Variants in MOB1B observed in about 807,000 individuals in gnomAD.
MOB1B encodes the protein MOB1 Mps One Binder homolog B.
In MOB1B, 19 loss-of-function variants were observed where a neutral mutation model predicts 24.4. The observed-to-expected ratio is 0.78, with a 90% confidence interval of 0.54 to 1.14. The LOEUF is 1.14. Ranked by LOEUF, MOB1B falls within the 50% of genes most tolerant of loss-of-function variation. The pLI is 0.00. For missense variants in MOB1B, 243 were observed against 259.6 expected (o/e 0.94, Z 0.44); for synonymous variants, 76 against 82.1 (o/e 0.93, Z 0.40).
At chr4:70,930,124 C>CT (rs977491393) in intron 1 of MOB1B, among the ~76,000 whole-genome samples, 10 of 152,086 alleles carry the variant, frequency 6.6e-5, no homozygotes, top group Admixed American at 3.9e-4. Flanking sequence ...AAAAATAATG[C>CT]TTTTTTCGAA....
At chr4:70,942,823 A>G (rs1737404047) in intron 1 of MOB1B, 2 of 934,484 alleles carry the variant, frequency 2.1e-6, no homozygotes, top group Admixed American at 1.3e-4. Context: ...TTGTCTGTAG[A>G]GAGAAGGTTC....
intron 1 of MOB1B, among the ~76,000 whole-genome samples, chr4:70,914,449 A>G (rs1224820832): frequency 6.6e-6 from 1 of 152,168 alleles, no homozygotes; most frequent in Non-Finnish European, 1.5e-5. Flanking sequence ...CAGGAGATAG[A>G]CATTTATCTG....
At chr4:70,951,309 G>A (rs906689668) in intron 1 of MOB1B, among the ~76,000 whole-genome samples, 1 of 152,122 alleles carries the variant, frequency 6.6e-6, no homozygotes, top group African/African-American at 2.4e-5. Context: ...TGCCAAAAAG[G>A]TTGGGAGCCA....
chr4:70,984,434 T>C lies in MOB1B; in HGVS notation c.*2377T>C, dbSNP rs1739316058. ...AGTTAGTAAGATGCCCTTTTAAATA[T>C]AAGGATCAGTGCTTTGTTCTGCAGC... On this transcript the variant is annotated 3_prime_UTR_variant, in exon 6 of 6. Transcript: ENST00000309395. The C allele has an allele frequency of 6.6e-6, 1 of 152,200 alleles. No homozygotes were observed. The allele number at this position is 152,200 out of a possible 1,614,324, so 9.4% of individuals were successfully genotyped here.
intron 1 of MOB1B, among the ~76,000 whole-genome samples, chr4:70,938,039 G>T (rs1737156355): frequency 6.6e-6 from 1 of 151,212 alleles, no homozygotes; most frequent in African/African-American, 2.4e-5. Flanking sequence ...GGGCTTTTTT[G>T]AACATTTAGT....
rs777909717 is a variant in MOB1B, at chr4:70,987,282, ATAT to A, written c.*5231_*5233del. 11 of 151,944 alleles carry A rather than the reference ATAT, an allele frequency of 7.2e-5. No individual in the cohort carries two copies. Among genetic ancestry groups the A allele is most frequent in the African/African-American group, 1.7e-4 (7 of 41,518 alleles). The allele number at this position is 151,944 out of a possible 1,614,324, so 9.4% of individuals were successfully genotyped here. On this transcript the variant is annotated 3_prime_UTR_variant, in exon 6 of 6. Transcript: ENST00000309395. ...AAATTTCAATATTTAATTTCTCTATATATTATTAATATTAAATTGTTTTTTACT... is the reference window on the plus strand; with the variant it reads ...AAATTTCAATATTTAATTTCTCTATATATTAATATTAAATTGTTTTTTACT...
At chr4:70,902,317 C>G (rs994498434), upstream of MOB1B, 43 of 640,844 alleles carry the variant, frequency 6.7e-5, no homozygotes, top group Non-Finnish European at 1.1e-4. Flanking sequence ...CCTTCCCCTC[C>G]CCTGGAGTGA....
intron 1 of MOB1B, among the ~76,000 whole-genome samples, chr4:70,945,788 G>A (rs750938565): frequency 3.9e-5 from 6 of 152,140 alleles, no homozygotes; most frequent in Admixed American, 6.5e-5. Flanking sequence ...TCCTTAACCC[G>A]TCTTAGGATA....
chr4:70,916,179 T>C (rs1040278359), intron 1 of MOB1B, among the ~76,000 whole-genome samples: 4 of 152,222 alleles, frequency 2.6e-5, no homozygotes, highest in African/African-American at 9.6e-5. Flanking sequence ...TTCCCCCTTT[T>C]TGGTCAGGTT....
intron 2 of MOB1B, 138 bp downstream of exon 2, chr4:70,959,178 A>G: frequency 1.5e-6 from 1 of 656,894 alleles, no homozygotes. Flanking sequence ...TCTAACTTTA[A>G]CCTTCATGTT....
intron 1 of MOB1B, among the ~76,000 whole-genome samples, chr4:70,922,420 TC>T (rs1317959236): frequency 6.6e-6 from 1 of 152,208 alleles, no homozygotes; most frequent in Non-Finnish European, 1.5e-5. Flanking sequence ...AAACATTGGT[TC>T]GTTCCAGAAA....
chr4:70,972,373 C>T (rs946476500), intron 3 of MOB1B, among the ~76,000 whole-genome samples: 9 of 152,008 alleles, frequency 5.9e-5, no homozygotes, highest in African/African-American at 1.9e-4. Flanking sequence ...TGCCACCATA[C>T]CCGGCTATTT....
chr4:70,940,752 C>T (rs1268196283), intron 1 of MOB1B, among the ~76,000 whole-genome samples: 1 of 151,236 alleles, frequency 6.6e-6, no homozygotes, highest in Non-Finnish European at 1.5e-5. Flanking sequence ...TCTCAGCTCA[C>T]AGCAACCTCC....
intron 1 of MOB1B, among the ~76,000 whole-genome samples, chr4:70,911,501 CAGAA>C (rs1470043619): frequency 6.6e-6 from 1 of 151,822 alleles, no homozygotes; most frequent in African/African-American, 2.4e-5. Flanking sequence ...GTCATCTTTT[CAGAA>C]AGAACTGTAG....
chr4:70,945,746 T>C (rs1737547494), intron 1 of MOB1B, among the ~76,000 whole-genome samples: 2 of 152,196 alleles, frequency 1.3e-5, no homozygotes, highest in South Asian at 2.1e-4. Flanking sequence ...AAATAAACAA[T>C]GATAGTATCC....
chr4:70,971,597 G>T (rs968789255), intron 3 of MOB1B, among the ~76,000 whole-genome samples: 1 of 151,898 alleles, frequency 6.6e-6, no homozygotes, highest in African/African-American at 2.4e-5. Context: ...TTGTTATTTC[G>T]GGAAGATTTA....
At chr4:70,937,819 C>T (rs886375442) in intron 1 of MOB1B, among the ~76,000 whole-genome samples, 4 of 152,280 alleles carry the variant, frequency 2.6e-5, no homozygotes, top group South Asian at 2.1e-4. Context: ...AGCCACCGTG[C>T]CCGGCCCATC....
rs951177669 is a variant in MOB1B at position 70,915,220 on chromosome 4, G to A, written c.14+12670G>A. Among the ~76,000 whole-genome samples the A allele has an allele frequency of 5.4e-4, 82 of 152,200 alleles. 1 individual carries two copies. The highest frequency in any genetic ancestry group is 2.5e-4 in the Non-Finnish European group (17 of 68,040). On this transcript the variant is annotated intron_variant, in intron 1 of 5. Transcript: ENST00000309395. ...GATATTCTGTGGTTAGAACTTGAAA[G>A]CAGGAGTTGAAGGTAAACAAGCATT... is the stretch of plus-strand genomic sequence containing the variant.
At chr4:70,975,603 A>AT in intron 4 of MOB1B, 1 of 975,080 alleles carries the variant, frequency 1.0e-6, no homozygotes, top group African/African-American at 1.7e-5. Flanking sequence ...GATATTCTAG[A>AT]TTAAAGTATC....
Sources: gnomAD v4.1 joint callset for allele counts (sites outside exome capture counted in the v4.1 genomes callset) on GRCh38, gnomAD v4.1.1 for gene constraint, MANE v1.5 for transcripts, NCBI Gene and HGNC (gene_info 2026-07-23, HGNC 2026-07-21) for gene names.